The following CHST3 variants were observed in gnomAD, a reference collection of about 807,000 sequenced individuals.
CHST3 encodes carbohydrate sulfotransferase 3.
Under a neutral mutation model 35.4 loss-of-function variants are expected in CHST3, and 20 were observed. That is an observed-to-expected ratio of 0.57 (90% CI 0.40 to 0.82). The LOEUF (loss-of-function observed/expected upper bound fraction) is 0.82, where lower values mean the gene tolerates loss of function less well. Among genes scored for constraint, CHST3 ranks in the 40% least tolerant of loss-of-function variants. The pLI is 0.00. For synonymous variants in CHST3, 334 were observed against 295.9 expected (o/e 1.13, Z -1.32); for missense variants, 693 against 670.1 (o/e 1.03, Z -0.38).
At chr10:72,004,745 C>T (rs1409984492) in intron 1 of CHST3, among the ~76,000 whole-genome samples, 2 of 152,188 alleles carry the variant, frequency 1.3e-5, no homozygotes, top group Admixed American at 6.5e-5. Context: ...CTTGCTACAT[C>T]GGAGTCTCTC....
At chr10:71,990,162 C>T (rs1262939244) in intron 1 of CHST3, among the ~76,000 whole-genome samples, 1 of 152,068 alleles carries the variant, frequency 6.6e-6, no homozygotes, top group Non-Finnish European at 1.5e-5. Flanking sequence ...TCCTTTGGGG[C>T]TGCTATAACA....
intron 1 of CHST3, among the ~76,000 whole-genome samples, chr10:71,976,480 C>T (rs2131741790): frequency 6.6e-6 from 1 of 152,316 alleles, no homozygotes; most frequent in South Asian, 2.1e-4. Flanking sequence ...GGGAAGCCCC[C>T]AGGAATGCTG....
In CHST3 at chr10:71,983,742, C is replaced by G. The variant is rs113355404; in HGVS notation, c.-108+19048C>G. 6.5e-3 allele frequency among the ~76,000 whole-genome samples: 988 copies of G among 151,878 alleles called. 19 individuals are homozygous for G. Among genetic ancestry groups the G allele is most frequent in the African/African-American group, 0.022 (920 of 41,428 alleles). On this transcript the variant is annotated intron_variant, in intron 1 of 2. Transcript: ENST00000373115. ...CTGGGATTACAGGCGTGAGCCACTG[C>G]GCCTGCCCAAGACCATGCATATTTT...
At chr10:72,006,740 C>A (rs2131773487) in intron 2 of CHST3, among the ~76,000 whole-genome samples, 1 of 152,292 alleles carries the variant, frequency 6.6e-6, no homozygotes, top group East Asian at 1.9e-4. Context: ...ATATAGTGGA[C>A]ACCGTCAATC....
intron 1 of CHST3, among the ~76,000 whole-genome samples, chr10:72,004,099 C>T (rs1840016572): frequency 6.6e-6 from 1 of 152,072 alleles, no homozygotes; most frequent in East Asian, 1.9e-4. Context: ...TTGCTTGAGG[C>T]AGAGGTTGCA....
At chr10:71,973,498 G>T (rs763632412) in intron 1 of CHST3, among the ~76,000 whole-genome samples, 2 of 152,236 alleles carry the variant, frequency 1.3e-5, no homozygotes, top group Non-Finnish European at 2.9e-5. Flanking sequence ...CTACTGGCCG[G>T]CTGCCTCCCC....
intron 1 of CHST3, among the ~76,000 whole-genome samples, chr10:71,994,118 A>G (rs1000873507): frequency 3.5e-4 from 53 of 151,944 alleles, no homozygotes; most frequent in African/African-American, 1.3e-3. Context: ...AACGAAAATT[A>G]GCCAGGTGAA....
At position 71,965,898 on chromosome 10, in the gene CHST3, G is replaced by A. The variant is rs554124067; in HGVS notation, c.-108+1204G>A. 7.9e-4 allele frequency among the ~76,000 whole-genome samples: 121 copies of A among 152,234 alleles called. No individual in the cohort carries two copies. In the Middle Eastern group the frequency reaches 0.017, roughly 21 times the overall value. Reference sequence around the variant, plus strand: ...CCACTGTGTCCCGTGGGCTGGCCTTGGGAGACTGGAGCTCATCATTGGCCT... The same window carrying A: ...CCACTGTGTCCCGTGGGCTGGCCTTAGGAGACTGGAGCTCATCATTGGCCT... On this transcript the variant is annotated intron_variant, in intron 1 of 2. Transcript: ENST00000373115.
rs1840128408 is a variant in CHST3 at position 72,013,047 on chromosome 10, T to C, written c.*4576T>C. 6.6e-6 allele frequency: 1 copy of C among 152,238 alleles called. No individual in the cohort carries two copies. Among genetic ancestry groups the C allele is most frequent in the South Asian group, 2.1e-4 (1 of 4,834 alleles). 9.4% of individuals were successfully genotyped at this position (152,238 alleles called of 1,614,324 possible). A position where few individuals can be genotyped will look rare whatever the true frequency, so the allele number is the denominator to read the frequency against. ...AGCTCATGTCATGGATCAGGTGCTTTGCTGGGGGGATACAATGACCCATGT... is the reference window on the plus strand; with the variant it reads ...AGCTCATGTCATGGATCAGGTGCTTCGCTGGGGGGATACAATGACCCATGT... On this transcript the variant is annotated 3_prime_UTR_variant, in exon 3 of 3. Transcript: ENST00000373115.
chr10:71,966,746 C>T (rs1839635453), intron 1 of CHST3, among the ~76,000 whole-genome samples: 1 of 152,170 alleles, frequency 6.6e-6, no homozygotes, highest in African/African-American at 2.4e-5. Context: ...CTAATTAAAT[C>T]ATTATATCCC....
intron 1 of CHST3, among the ~76,000 whole-genome samples, chr10:71,996,388 T>A (rs1839938088): frequency 1.1e-5 from 1 of 87,564 alleles, no homozygotes; most frequent in Admixed American, 1.1e-4. Context: ...GTGCCAAGAC[T>A]CTCTCTCTTT....
At chr10:71,967,984 T>TTTTTTTTGTA (rs1839648465) in intron 1 of CHST3, among the ~76,000 whole-genome samples, 1 of 150,372 alleles carries the variant, frequency 6.7e-6, no homozygotes, top group Non-Finnish European at 1.5e-5. Context: ...AATTTTTTTT[T>TTTTTTTTGTA]TTTTTTGTAT....
At chr10:71,997,852 G>C (rs2131763126) in intron 1 of CHST3, among the ~76,000 whole-genome samples, 1 of 152,152 alleles carries the variant, frequency 6.6e-6, no homozygotes, top group Non-Finnish European at 1.5e-5. Flanking sequence ...ATTTTTAGTA[G>C]AGACGGGGTT....
chr10:72,006,026 G>A (rs771418316), intron 2 of CHST3, 44 bp downstream of exon 2: 4 of 1,536,116 alleles, frequency 2.6e-6, no homozygotes, highest in East Asian at 4.5e-5. Flanking sequence ...TTCAAGGTGG[G>A]GTGGGTGGGG....
rs565782938 is a variant in CHST3, at chr10:71,982,109, T to C, written c.-108+17415T>C. 6.6e-5 allele frequency among the ~76,000 whole-genome samples: 10 copies of C among 152,320 alleles called. No homozygotes were observed. The South Asian group carries it at 1.2e-3, about 19-fold the overall frequency. On this transcript the variant is annotated intron_variant, in intron 1 of 2. Transcript: ENST00000373115. ...GCACCTGTGGATATGTGAGCTTGCATGGTAAGGACTGTCCAGATGGGATTA... is the reference window on the plus strand; with the variant it reads ...GCACCTGTGGATATGTGAGCTTGCACGGTAAGGACTGTCCAGATGGGATTA...
chr10:71,996,980 C>A (rs1839947127), intron 1 of CHST3, among the ~76,000 whole-genome samples: 1 of 152,114 alleles, frequency 6.6e-6, no homozygotes, highest in South Asian at 2.1e-4. Flanking sequence ...TGGTCTCAAA[C>A]TCCTGGGCTC....
In CHST3 at chr10:72,005,809, G is replaced by T. The variant is rs765650149; in HGVS notation, c.-34G>T. On this transcript the variant is annotated 5_prime_UTR_variant, in exon 2 of 3. Transcript: ENST00000373115. ...GCCCCTCAGCTGAGTGTCCAAGGCT[G>T]GCCCGAGGAGCCCCCACGGCCCCAC... The T allele has an allele frequency of 1.2e-6, 2 of 1,613,988 alleles. No individual in the cohort carries two copies. Among genetic ancestry groups the T allele is most frequent in the South Asian group, 2.2e-5 (2 of 91,072 alleles).
Position 72,009,971 on chromosome 10 carries a change from C to G in CHST3, c.*1500C>G, listed in dbSNP as rs958699475. On this transcript the variant is annotated 3_prime_UTR_variant, in exon 3 of 3. Transcript: ENST00000373115. ...GGGAGAGGACAGGAGGAGGAGCCTT[C>G]CCCAGGAGGAACGAGGAGAGGTGGC... 1 of 153,038 alleles carries G rather than the reference C, an allele frequency of 6.5e-6. No homozygotes were observed. The highest frequency in any genetic ancestry group is 2.4e-5 in the African/African-American group (1 of 41,450). The allele number at this position is 153,038 out of a possible 1,614,324, so 9.5% of individuals were successfully genotyped here.
intron 1 of CHST3, among the ~76,000 whole-genome samples, chr10:71,976,485 A>G (rs1455278672): frequency 6.6e-6 from 1 of 152,178 alleles, no homozygotes; most frequent in Non-Finnish European, 1.5e-5. Flanking sequence ...GCCCCCAGGA[A>G]TGCTGATAAG....
Sources: gnomAD v4.1 joint callset for allele counts (sites outside exome capture counted in the v4.1 genomes callset) on GRCh38, gnomAD v4.1.1 for gene constraint, MANE v1.5 for transcripts, NCBI Gene and HGNC (gene_info 2026-07-23, HGNC 2026-07-21) for gene names.